BBS9: variants seen among roughly 807,000 people sequenced by gnomAD.
The protein encoded by BBS9 is Bardet-Biedl syndrome 9.
A neutral mutation model predicts 117.7 loss-of-function variants in BBS9; 89 were observed. The observed-to-expected ratio is 0.76, with a 90% confidence interval of 0.64 to 0.90. BBS9 has a LOEUF of 0.90. Ranked by LOEUF, BBS9 falls within the 40% of genes least tolerant of loss-of-function variation. BBS9 has a pLI of 0.00. For missense variants in BBS9, 982 were observed against 1,042.2 expected, an observed-to-expected ratio of 0.94 and a Z score of 0.80; for synonymous variants, 379 against 370.9, an observed-to-expected ratio of 1.02 and a Z score of -0.25.
intron 19 of BBS9, among the ~76,000 whole-genome samples, chr7:33,408,385 C>G (rs1036168637): frequency 6.6e-6 from 1 of 152,164 alleles, no homozygotes; most frequent in Admixed American, 6.5e-5. Context: ...ACCCCTTGCA[C>G]TTCCCGAGTG....
intron 9 of BBS9, among the ~76,000 whole-genome samples, chr7:33,303,731 G>A (rs1164645013): frequency 6.6e-6 from 1 of 152,060 alleles, no homozygotes; most frequent in Non-Finnish European, 1.5e-5. Context: ...CTGGTCTCCA[G>A]CTCCTGACCT....
At chr7:33,385,878 T>G (rs982691869) in intron 18 of BBS9, among the ~76,000 whole-genome samples, 1 of 152,162 alleles carries the variant, frequency 6.6e-6, no homozygotes, top group Non-Finnish European at 1.5e-5. Context: ...TTTTTGGTAT[T>G]TTTTTGCTCA....
intron 21 of BBS9, among the ~76,000 whole-genome samples, chr7:33,633,920 T>A (rs1308423394): frequency 1.3e-5 from 2 of 152,272 alleles, no homozygotes; most frequent in East Asian, 3.9e-4. Context: ...TGCAGAGTCT[T>A]CCCCTACTCA....
At chr7:33,247,832 G>T (rs144550097) in intron 5 of BBS9, among the ~76,000 whole-genome samples, 107 of 152,254 alleles carry the variant, frequency 7.0e-4, no homozygotes, top group African/African-American at 2.5e-3. Flanking sequence ...ATATTTTGTG[G>T]ATGCAAGCAA....
At chr7:33,214,218 A>G (rs1788606937) in intron 5 of BBS9, among the ~76,000 whole-genome samples, 1 of 152,280 alleles carries the variant, frequency 6.6e-6, no homozygotes, top group East Asian at 1.9e-4. Context: ...CCCTCCTTGC[A>G]TGAGTGCTGG....
At chr7:33,556,697 A>G (rs979083617) in intron 21 of BBS9, among the ~76,000 whole-genome samples, 9 of 152,296 alleles carry the variant, frequency 5.9e-5, no homozygotes, top group Admixed American at 5.2e-4. Flanking sequence ...ATGCCAGGAA[A>G]ATGACTTTAG....
chr7:33,521,106 T>C (rs1040314483), intron 20 of BBS9, among the ~76,000 whole-genome samples: 1 of 152,218 alleles, frequency 6.6e-6, no homozygotes, highest in African/African-American at 2.4e-5. Context: ...CATTAGTATT[T>C]TGCTTTGTTT....
chr7:33,517,508 T>C (rs58670237), intron 20 of BBS9, among the ~76,000 whole-genome samples: 4,109 of 152,316 alleles, frequency 0.027, 189 homozygotes, highest in African/African-American at 0.092. Flanking sequence ...AGTTATGTTA[T>C]ACACCATCCT....
chr7:33,411,648 TG>T (rs1831161345), intron 19 of BBS9, among the ~76,000 whole-genome samples: 1 of 152,174 alleles, frequency 6.6e-6, no homozygotes, highest in Non-Finnish European at 1.5e-5. Flanking sequence ...ATGGTAGTTT[TG>T]AGTCTTAAAA....
At position 33,613,928 on chromosome 7, in the gene BBS9, G is replaced by GA. The variant is rs570933955; in HGVS notation, c.2522-21246dup. On this transcript the variant is annotated intron_variant, in intron 21 of 21. Transcript: ENST00000671952. ...TTTGAAGACTTATGTCCTAATTTAA[G>GA]AAAGAACAACCATACACTCTGTTTC... Among the ~76,000 whole-genome samples, 11 of 152,152 alleles carry GA rather than the reference G, an allele frequency of 7.2e-5. No individual in the cohort carries two copies. The South Asian group carries it at 1.2e-3, about 17-fold the overall frequency.
At chr7:33,360,725 G>C (rs1399598795) in intron 16 of BBS9, among the ~76,000 whole-genome samples, 2 of 151,918 alleles carry the variant, frequency 1.3e-5, no homozygotes, top group Non-Finnish European at 1.5e-5. Flanking sequence ...GGGTCCCACT[G>C]TGTTGCCCAG....
At chr7:33,309,767 G>A (rs1173663326) in intron 9 of BBS9, among the ~76,000 whole-genome samples, 6 of 152,156 alleles carry the variant, frequency 3.9e-5, no homozygotes, top group Admixed American at 1.3e-4. Context: ...GAAGGATCCG[G>A]CCATGTGGTA....
At chr7:33,492,147 G>A (rs536333394) in intron 19 of BBS9, among the ~76,000 whole-genome samples, 1 of 138,604 alleles carries the variant, frequency 7.2e-6, no homozygotes, top group East Asian at 2.3e-4. Context: ...AGGCTACAGT[G>A]AGCCAAGATC....
chr7:33,357,820 A>G lies in BBS9; in HGVS notation c.1553-35A>G, dbSNP rs1163185949. On this transcript the variant is annotated intron_variant, in intron 15 of 22. Coordinates refer to ENST00000242067, the MANE Select transcript of BBS9 (RefSeq NM_198428.3). ...TTTTTTTTTGCCAAATTATTTGTCA[A>G]GTCTATGAATCTACATATCTCTCTT... is the stretch of plus-strand genomic sequence containing the variant. The G allele has an allele frequency of 1.9e-6, 3 of 1,600,760 alleles. No homozygotes were observed. The African/African-American group carries it at 4.0e-5, about 21-fold the overall frequency.
upstream of BBS9, chr7:33,129,421 C>T (rs1369056219): frequency 7.0e-6 from 2 of 287,662 alleles, no homozygotes; most frequent in Non-Finnish European, 1.3e-5. Context: ...ACTCGAGCCC[C>T]GCCCCAGTAG....
rs571123593 is a variant in BBS9, at chr7:33,605,320, G to C, written c.*94G>C. ...CAAGCACAGATATAGGGCTGGCGCA[G>C]GTGCTTCCTAAAGCTCACCTTCCTG... On this transcript the variant is annotated 3_prime_UTR_variant, in exon 23 of 23. Transcript: ENST00000242067. The C allele has an allele frequency of 1.7e-5, 23 of 1,361,394 alleles. No homozygotes were observed. The highest frequency in any genetic ancestry group is 7.0e-5 in the South Asian group (6 of 85,838). 84.3% of individuals were successfully genotyped at this position (1,361,394 alleles called of 1,614,324 possible). A position where few individuals can be genotyped will look rare whatever the true frequency, so the allele number is the denominator to read the frequency against.
At chr7:33,602,830 C>G (rs1864004294) in intron 21 of BBS9, among the ~76,000 whole-genome samples, 1 of 152,130 alleles carries the variant, frequency 6.6e-6, no homozygotes, top group African/African-American at 2.4e-5. Context: ...TGCATGCAAT[C>G]TGTGTCCACT....
rs149063191 is a variant in BBS9, at chr7:33,484,960, G to A, written c.2116-20503G>A. On this transcript the variant is annotated intron_variant, in intron 19 of 22. Coordinates refer to ENST00000242067, the MANE Select transcript of BBS9 (RefSeq NM_198428.3). ...TATATACACCATAGAATACTATGCA[G>A]CCATAAAAAGGAATGAGATCATTTC... 1.6e-4 allele frequency among the ~76,000 whole-genome samples: 25 copies of A among 152,328 alleles called. No individual in the cohort carries two copies. In the East Asian group the frequency reaches 4.6e-3, roughly 28 times the overall value.
intron 9 of BBS9, among the ~76,000 whole-genome samples, chr7:33,331,790 A>G (rs1231006493): frequency 1.1e-4 from 17 of 152,186 alleles, no homozygotes; most frequent in Non-Finnish European, 2.9e-5. Flanking sequence ...ACACTGCTGG[A>G]AGAAACCATA....
Sources: gnomAD v4.1 joint callset for allele counts (sites outside exome capture counted in the v4.1 genomes callset) on GRCh38, gnomAD v4.1.1 for gene constraint, MANE v1.5 for transcripts, NCBI Gene and HGNC (gene_info 2026-07-23, HGNC 2026-07-21) for gene names.